Variants in COL19A1 observed in about 807,000 individuals in gnomAD.
COL19A1 encodes the protein collagen type XIX alpha 1 chain.
In COL19A1, 159 loss-of-function variants were observed where a neutral mutation model predicts 190.2. The observed-to-expected ratio is 0.84, with a 90% CI of 0.73 to 0.95. The LOEUF is 0.95. COL19A1 is among the 40% of genes least tolerant of loss of function. The probability of loss-of-function intolerance (pLI) is 0.00; values close to 1 mark genes in which losing one functional copy is unlikely to be tolerated. For synonymous variants in COL19A1, 509 were observed against 458.9 expected (o/e 1.11, Z -1.39); for missense variants, 1,418 against 1,431.9 (o/e 0.99, Z 0.16).
chr6:70,055,184 G>A (rs753389798), intron 14 of COL19A1, among the ~76,000 whole-genome samples: 9 of 151,972 alleles, frequency 5.9e-5, no homozygotes, highest in African/African-American at 1.7e-4. Flanking sequence ...ACTAGTTTTC[G>A]CTTATAAGAT....
chr6:70,049,969 T>A (rs1780115310), intron 14 of COL19A1, among the ~76,000 whole-genome samples: 1 of 152,114 alleles, frequency 6.6e-6, no homozygotes, highest in African/African-American at 2.4e-5. Flanking sequence ...TAAAAAGGAT[T>A]CGAATTATAT....
At chr6:70,172,141 AT>A in intron 41 of COL19A1, 124 bp downstream of exon 41, 1 of 724,442 alleles carries the variant, frequency 1.4e-6, no homozygotes, top group Non-Finnish European at 2.4e-6. Context: ...ACAAAAATGT[AT>A]GTACTCATGG....
intron 16 of COL19A1, among the ~76,000 whole-genome samples, chr6:70,109,935 G>A (rs374744965): frequency 6.6e-6 from 1 of 152,052 alleles, no homozygotes; most frequent in African/African-American, 2.4e-5. Flanking sequence ...CCCTCAAAAC[G>A]CCATAGAACT....
intron 11 of COL19A1, among the ~76,000 whole-genome samples, chr6:69,963,418 A>G (rs933286178): frequency 6.6e-6 from 1 of 152,206 alleles, no homozygotes; most frequent in African/African-American, 2.4e-5. Flanking sequence ...GTTACAGCAG[A>G]CCTCTTAAAC....
At chr6:70,191,847 G>A (rs1299409833) in intron 48 of COL19A1, among the ~76,000 whole-genome samples, 3 of 152,168 alleles carry the variant, frequency 2.0e-5, no homozygotes, top group African/African-American at 7.2e-5. Flanking sequence ...GCCCCAAGTC[G>A]ATCTTGACTC....
chr6:70,116,057 C>G (rs1248164629), intron 16 of COL19A1, among the ~76,000 whole-genome samples: 1 of 152,008 alleles, frequency 6.6e-6, no homozygotes, highest in East Asian at 1.9e-4. Flanking sequence ...TATTTTCTAT[C>G]TAAAGAACAT....
At chr6:70,181,730 A>G (rs915912591) in intron 44 of COL19A1, among the ~76,000 whole-genome samples, 9 of 151,926 alleles carry the variant, frequency 5.9e-5, no homozygotes, top group Non-Finnish European at 2.9e-5. Context: ...CTGGAATATT[A>G]TTCAAATAGT....
chr6:70,016,672 C>A (rs990806898), intron 11 of COL19A1, among the ~76,000 whole-genome samples: 17 of 151,662 alleles, frequency 1.1e-4, no homozygotes, highest in African/African-American at 3.6e-4. Flanking sequence ...ACATAAAGAA[C>A]TTTTACAACT....
At chr6:70,108,107 G>A (rs184539522) in intron 16 of COL19A1, among the ~76,000 whole-genome samples, 2 of 152,218 alleles carry the variant, frequency 1.3e-5, no homozygotes, top group Admixed American at 1.3e-4. Context: ...AAATGAGGCG[G>A]AGCAGGAGAG....
At chr6:69,986,479 C>G (rs570729029) in intron 11 of COL19A1, among the ~76,000 whole-genome samples, 1 of 152,114 alleles carries the variant, frequency 6.6e-6, no homozygotes, top group South Asian at 2.1e-4. Context: ...GAGCCTCATT[C>G]CTGATCCCCT....
intron 11 of COL19A1, among the ~76,000 whole-genome samples, chr6:70,006,384 T>C (rs1333178651): frequency 6.6e-6 from 1 of 152,166 alleles, no homozygotes; most frequent in Non-Finnish European, 1.5e-5. Context: ...ACCACTTCCC[T>C]TGGCTGGGGG....
intron 1 of COL19A1, among the ~76,000 whole-genome samples, chr6:69,871,545 G>A (rs904061369): frequency 6.6e-6 from 1 of 152,186 alleles, no homozygotes; most frequent in Admixed American, 6.5e-5. Flanking sequence ...AACAACGTAT[G>A]TAAAGCAAAT....
chr6:70,023,560 C>A, intron 11 of COL19A1, 67 bp from the exon 12 acceptor site: 1 of 1,353,490 alleles, frequency 7.4e-7, no homozygotes, highest in Non-Finnish European at 1.0e-6. Flanking sequence ...ACCAACATAA[C>A]TTTATTTTTT....
chr6:70,172,864 T>C (rs1207723475), intron 41 of COL19A1, among the ~76,000 whole-genome samples: 1 of 151,870 alleles, frequency 6.6e-6, no homozygotes, highest in African/African-American at 2.4e-5. Flanking sequence ...GTTGCAAGGG[T>C]GGAAGTAGGG....
intron 15 of COL19A1, among the ~76,000 whole-genome samples, chr6:70,100,316 A>G (rs1439998999): frequency 3.9e-5 from 6 of 152,176 alleles, no homozygotes; most frequent in Non-Finnish European, 5.9e-5. Flanking sequence ...GAATTTACTT[A>G]TATTTACTAA....
intron 2 of COL19A1, among the ~76,000 whole-genome samples, chr6:69,880,225 C>T (rs542185269): frequency 4.6e-5 from 7 of 152,258 alleles, no homozygotes; most frequent in Non-Finnish European, 8.8e-5. Context: ...TTCCAAAAGG[C>T]TTAAGGGCAA....
intron 16 of COL19A1, among the ~76,000 whole-genome samples, chr6:70,105,127 T>C (rs1391561621): frequency 6.6e-6 from 1 of 152,108 alleles, no homozygotes. Flanking sequence ...AAAAAAATGG[T>C]TTATTAACTT....
intron 4 of COL19A1, among the ~76,000 whole-genome samples, chr6:69,905,611 T>C (rs1770503136): frequency 6.6e-6 from 1 of 152,250 alleles, no homozygotes; most frequent in Non-Finnish European, 1.5e-5. Flanking sequence ...GGCCTTCCCA[T>C]GTTATGGCTA....
At chr6:70,195,989 G>T (rs1030105476) in intron 48 of COL19A1, among the ~76,000 whole-genome samples, 1 of 152,086 alleles carries the variant, frequency 6.6e-6, no homozygotes, top group Non-Finnish European at 1.5e-5. Context: ...TGTTTAATCC[G>T]CCATCTTTAC....
Sources: gnomAD v4.1 joint callset for allele counts (sites outside exome capture counted in the v4.1 genomes callset) on GRCh38, gnomAD v4.1.1 for gene constraint, MANE v1.5 for transcripts, NCBI Gene and HGNC (gene_info 2026-07-23, HGNC 2026-07-21) for gene names.